The following PCSK2 variants were observed in gnomAD, a reference collection of about 807,000 sequenced individuals.
PCSK2 encodes neuroendocrine convertase 2.
PCSK2 carries 14 observed loss-of-function variants against 69.7 expected under a neutral mutation model. The ratio of observed to expected loss-of-function variants is 0.20; its 90% CI spans 0.13 to 0.31. The LOEUF (loss-of-function observed/expected upper bound fraction) is 0.31. Among genes scored for constraint, PCSK2 ranks in the 10% least tolerant of loss-of-function variants. The pLI is 1.00. For missense variants in PCSK2, 544 were observed against 842.5 expected, an observed-to-expected ratio of 0.65 and a Z score of 4.39; for synonymous variants, 307 against 320.7, an observed-to-expected ratio of 0.96 and a Z score of 0.46.
intron 2 of PCSK2, among the ~76,000 whole-genome samples, chr20:17,319,687 G>C (rs1028364881): frequency 6.6e-6 from 1 of 152,010 alleles, no homozygotes; most frequent in Non-Finnish European, 1.5e-5. Context: ...CACTGGGAGG[G>C]GGGTATAAAT....
chr20:17,370,051 G>A (rs1463511772), intron 5 of PCSK2, among the ~76,000 whole-genome samples: 1 of 152,178 alleles, frequency 6.6e-6, no homozygotes, highest in Admixed American at 6.5e-5. Flanking sequence ...TTCACACGCT[G>A]CTTTCCTGAT....
At chr20:17,459,508 A>G (rs1029660041) in intron 10 of PCSK2, among the ~76,000 whole-genome samples, 1 of 152,188 alleles carries the variant, frequency 6.6e-6, no homozygotes, top group African/African-American at 2.4e-5. Context: ...AGTTTCCTGA[A>G]GTGGGTGTAC....
chr20:17,366,184 A>G (rs1291239487), intron 4 of PCSK2, among the ~76,000 whole-genome samples: 2 of 152,208 alleles, frequency 1.3e-5, no homozygotes, highest in African/African-American at 4.8e-5. Context: ...AACTATTAAC[A>G]TTCTACCTAG....
At chr20:17,398,658 A>G (rs1219188424) in intron 5 of PCSK2, among the ~76,000 whole-genome samples, 2 of 151,990 alleles carry the variant, frequency 1.3e-5, no homozygotes, top group Non-Finnish European at 2.9e-5. Context: ...CAAGAAGGCT[A>G]GGATATGAGG....
intron 4 of PCSK2, among the ~76,000 whole-genome samples, chr20:17,363,392 G>A (rs1260436485): frequency 6.6e-6 from 1 of 152,190 alleles, no homozygotes; most frequent in Non-Finnish European, 1.5e-5. Context: ...GTTAGCTGCT[G>A]TCTAAAGGGG....
At chr20:17,414,077 G>C (rs1479760423) in intron 6 of PCSK2, among the ~76,000 whole-genome samples, 2 of 152,178 alleles carry the variant, frequency 1.3e-5, no homozygotes, top group African/African-American at 4.8e-5. Flanking sequence ...ACAAGAGAAA[G>C]CAGGAAAGAT....
In PCSK2 at chr20:17,400,568, T is replaced by TA. The variant is rs940195707; in HGVS notation, c.544-8686dup. ...TATGTGCTACCTGATATCATTACAGTAAAAAAAAATTACACAAAATGTAAT... is the reference window on the plus strand; with the variant it reads ...TATGTGCTACCTGATATCATTACAGTAAAAAAAAAATTACACAAAATGTAAT... On this transcript the variant is annotated intron_variant, in intron 5 of 11. Coordinates refer to ENST00000262545, the MANE Select transcript of PCSK2 (RefSeq NM_002594.5). 3.0e-4 allele frequency among the ~76,000 whole-genome samples: 45 copies of TA among 151,694 alleles called. No homozygotes were observed. The East Asian group carries it at 7.7e-3, about 26-fold the overall frequency.
At chr20:17,324,275 A>G (rs56294046) in intron 2 of PCSK2, among the ~76,000 whole-genome samples, 23,206 of 152,048 alleles carry the variant, frequency 0.15, 2,253 homozygotes, top group Non-Finnish European at 0.22. Flanking sequence ...ACTGGCTCCA[A>G]TCTGACAGTC....
chr20:17,316,393 A>T (rs1262657175), intron 2 of PCSK2, among the ~76,000 whole-genome samples: 1 of 152,254 alleles, frequency 6.6e-6, no homozygotes, highest in African/African-American at 2.4e-5. Flanking sequence ...CTCTGGGCAC[A>T]TAGAGGTGAA....
At position 17,229,024 on chromosome 20, in the gene PCSK2, T is replaced by C. The variant is rs553647051; in HGVS notation, c.177+1542T>C. Among the ~76,000 whole-genome samples the C allele has an allele frequency of 3.9e-5, 6 of 152,160 alleles. No homozygotes were observed. The East Asian group carries it at 1.2e-3, about 30-fold the overall frequency. On this transcript the variant is annotated intron_variant, in intron 1 of 11. Coordinates refer to ENST00000262545, the MANE Select transcript of PCSK2 (RefSeq NM_002594.5). ...ACAATAAAGAAGCCGACCTTCCTTC[T>C]TCACTCCCCCCCACCCCAAACTTGG...
At chr20:17,292,451 A>AT in intron 2 of PCSK2, among the ~76,000 whole-genome samples, 1 of 152,334 alleles carries the variant, frequency 6.6e-6, no homozygotes, top group East Asian at 1.9e-4. Context: ...TTTGGAATTT[A>AT]TTTTTGTGTA....
intron 2 of PCSK2, among the ~76,000 whole-genome samples, chr20:17,315,269 G>A (rs1989646353): frequency 6.6e-6 from 1 of 152,052 alleles, no homozygotes; most frequent in Non-Finnish European, 1.5e-5. Context: ...GTTGGTTGGG[G>A]ATGTGGTGGG....
intron 2 of PCSK2, among the ~76,000 whole-genome samples, chr20:17,271,379 G>A (rs567234633): frequency 6.6e-6 from 1 of 152,034 alleles, no homozygotes; most frequent in South Asian, 2.1e-4. Flanking sequence ...GTGAAGGAGT[G>A]GGGGTCCTTA....
intron 1 of PCSK2, among the ~76,000 whole-genome samples, chr20:17,248,139 T>A (rs1986835667): frequency 6.6e-6 from 1 of 151,788 alleles, no homozygotes; most frequent in African/African-American, 2.4e-5. Context: ...CCATGCATAT[T>A]TTGCCTTAAG....
intron 1 of PCSK2, among the ~76,000 whole-genome samples, chr20:17,230,660 CG>C (rs1307595739): frequency 6.6e-6 from 1 of 151,840 alleles, no homozygotes; most frequent in Non-Finnish European, 1.5e-5. Flanking sequence ...CTAATGGGTA[CG>C]TGTATTTATG....
At position 17,453,444 on chromosome 20, in the gene PCSK2, GCT is replaced by G. The variant is rs1456407762; in HGVS notation, c.886-297_886-296del. Among the ~76,000 whole-genome samples the G allele has an allele frequency of 3.3e-5, 5 of 152,002 alleles. No individual in the cohort carries two copies. Among genetic ancestry groups the G allele is most frequent in the African/African-American group, 1.2e-4 (5 of 41,376 alleles). ...ATTGTGAGCATGTACCACCTTTCTA[GCT>G]TTTTTAAAAAGCAGTTTATTTGTAA... On this transcript the variant is annotated intron_variant, in intron 8 of 11. Transcript: ENST00000262545. This position sits in a 1 kb window ranked among gnomAD's most constrained non-coding sequence, Gnocchi z 4.0.
At chr20:17,272,937 A>G (rs1228849608) in intron 2 of PCSK2, among the ~76,000 whole-genome samples, 1 of 152,126 alleles carries the variant, frequency 6.6e-6, no homozygotes, top group Non-Finnish European at 1.5e-5. Flanking sequence ...TCACATGACT[A>G]AAAGTACCAG....
intron 2 of PCSK2, among the ~76,000 whole-genome samples, chr20:17,291,904 G>A (rs1270792487): frequency 6.6e-6 from 1 of 152,108 alleles, no homozygotes; most frequent in East Asian, 1.9e-4. Flanking sequence ...CAAAATGACT[G>A]CTGAAACTCT....
intron 8 of PCSK2, among the ~76,000 whole-genome samples, chr20:17,446,042 C>T (rs1010291): frequency 0.66 from 100,958 of 152,020 alleles, 33,877 homozygotes; most frequent in African/African-American, 0.75. Context: ...CACCCTTTGG[C>T]GCTATTAGTA....
Sources: allele counts gnomAD v4.1 joint callset (sites outside exome capture counted in the v4.1 genomes callset), GRCh38; gene constraint gnomAD v4.1.1; non-coding constraint Gnocchi (gnomAD v3.1); transcripts MANE v1.5; gene names NCBI Gene and HGNC (gene_info 2026-07-23, HGNC 2026-07-21).